GSG1L: variants seen among roughly 807,000 people sequenced by gnomAD.
GSG1L encodes germ cell-specific gene 1-like protein.
In GSG1L, 24 loss-of-function variants were observed where a neutral mutation model predicts 42.1. The observed-to-expected ratio is 0.57, with a 90% CI of 0.41 to 0.80. GSG1L has a LOEUF of 0.80. Among genes scored for constraint, GSG1L ranks in the 30% least tolerant of loss-of-function variants. GSG1L has a pLI of 0.00. For missense variants in GSG1L, 445 were observed against 472.2 expected (o/e 0.94, Z 0.53); for synonymous variants, 215 against 203.5 (o/e 1.06, Z -0.48).
rs576854705 is a variant in GSG1L at position 27,884,956 on chromosome 16, T to C, written c.398-318A>G. ...CTGAGAGCCAGCTTGCCGCCACCAGTTTAGGGTGAAGCTGACACTGTAGAC... is the reference window on the plus strand; with the variant it reads ...CTGAGAGCCAGCTTGCCGCCACCAGCTTAGGGTGAAGCTGACACTGTAGAC... On this transcript the variant is annotated intron_variant, in intron 2 of 6. Coordinates refer to ENST00000447459, the MANE Select transcript of GSG1L (RefSeq NM_001109763.2). This position sits in a 1 kb window ranked among gnomAD's most constrained non-coding sequence, Gnocchi z 4.4. Among the ~76,000 whole-genome samples the C allele has an allele frequency of 6.6e-6, 1 of 151,930 alleles. No homozygotes were observed. The highest frequency in any genetic ancestry group is 2.1e-4 in the South Asian group (1 of 4,770).
chr16:27,822,822 G>A (rs2083164573), intron 5 of GSG1L, among the ~76,000 whole-genome samples: 1 of 152,176 alleles, frequency 6.6e-6, no homozygotes, highest in Admixed American at 6.5e-5. Flanking sequence ...CTCGTGGAGT[G>A]TGCACCGAAA....
chr16:28,033,500 CA>C (rs1331523667), intron 1 of GSG1L, among the ~76,000 whole-genome samples: 4 of 145,006 alleles, frequency 2.8e-5, no homozygotes, highest in African/African-American at 1.0e-4. Context: ...ATAATTAAAT[CA>C]AATAAAAAAG....
chr16:27,819,390 T>G (rs2083127912), intron 5 of GSG1L, among the ~76,000 whole-genome samples: 1 of 152,012 alleles, frequency 6.6e-6, no homozygotes, highest in Admixed American at 6.6e-5. Flanking sequence ...CAAAACCCCA[T>G]CCCCATCTTT....
intron 1 of GSG1L, among the ~76,000 whole-genome samples, chr16:27,985,748 G>A (rs571914994): frequency 2.2e-3 from 336 of 151,842 alleles, no homozygotes; most frequent in African/African-American, 7.7e-3. Context: ...CAGGAGAATC[G>A]CTTGAACTCA....
chr16:27,892,928 C>T (rs1008178220), intron 2 of GSG1L, among the ~76,000 whole-genome samples: 1 of 152,124 alleles, frequency 6.6e-6, no homozygotes, highest in African/African-American at 2.4e-5. Flanking sequence ...AATGCCTGGC[C>T]TGTGATGAAC....
At chr16:28,024,479 AAAATACAATAATGAAAG>A (rs1477152624) in intron 1 of GSG1L, among the ~76,000 whole-genome samples, 1 of 152,238 alleles carries the variant, frequency 6.6e-6, no homozygotes, top group Non-Finnish European at 1.5e-5. Context: ...AGGAAGCTAC[AAAATACAATAATGAAAG>A]ATAACAGGCC....
At chr16:27,856,164 C>G (rs1016257142) in intron 3 of GSG1L, among the ~76,000 whole-genome samples, 2 of 152,102 alleles carry the variant, frequency 1.3e-5, no homozygotes, top group African/African-American at 2.4e-5. Flanking sequence ...TGCACCCCCC[C>G]CCATCCCCAC....
intron 2 of GSG1L, among the ~76,000 whole-genome samples, chr16:27,957,702 G>A (rs115525979): frequency 6.6e-6 from 1 of 152,320 alleles, no homozygotes; most frequent in African/African-American, 2.4e-5. Context: ...CAATATACGT[G>A]ATAGTCCATG....
chr16:28,060,277 A>G (rs1390020123), intron 1 of GSG1L, among the ~76,000 whole-genome samples: 1 of 151,690 alleles, frequency 6.6e-6, no homozygotes, highest in East Asian at 1.9e-4. Flanking sequence ...CATGGCAACA[A>G]AAGTTTGAGG....
At chr16:27,989,739 A>G (rs1443973559) in intron 1 of GSG1L, among the ~76,000 whole-genome samples, 1 of 52,366 alleles carries the variant, frequency 1.9e-5, no homozygotes, top group Non-Finnish European at 7.6e-5. Flanking sequence ...GACTCAGTCT[A>G]AAAAAAAAAA....
intron 2 of GSG1L, among the ~76,000 whole-genome samples, chr16:27,898,269 G>T (rs2084213962): frequency 6.6e-6 from 1 of 152,150 alleles, no homozygotes; most frequent in Non-Finnish European, 1.5e-5. Context: ...CAGGCTGGGG[G>T]CCTGGAGATG....
intron 2 of GSG1L, among the ~76,000 whole-genome samples, chr16:27,909,326 T>A (rs1391628985): frequency 6.6e-6 from 1 of 151,944 alleles, no homozygotes; most frequent in African/African-American, 2.4e-5. Flanking sequence ...TTCTTTTCTC[T>A]CTTTCTTTCT....
At chr16:27,911,706 G>T (rs1416858608) in intron 2 of GSG1L, among the ~76,000 whole-genome samples, 1 of 151,984 alleles carries the variant, frequency 6.6e-6, no homozygotes, top group East Asian at 1.9e-4. Context: ...TCATGGTTTT[G>T]TCCTCCACTC....
At chr16:27,936,059 C>T (rs2084712877) in intron 2 of GSG1L, among the ~76,000 whole-genome samples, 2 of 151,522 alleles carry the variant, frequency 1.3e-5, no homozygotes, top group African/African-American at 4.9e-5. Context: ...CCCTTCAGGA[C>T]CCTGCCAGAC....
chr16:27,848,866 T>G (rs781147308), intron 3 of GSG1L, among the ~76,000 whole-genome samples: 1 of 151,890 alleles, frequency 6.6e-6, no homozygotes, highest in Non-Finnish European at 1.5e-5. Context: ...AGGCTGGGGC[T>G]GAAGGCTGGG....
At chr16:28,044,039 A>G (rs1321015766) in intron 1 of GSG1L, among the ~76,000 whole-genome samples, 1 of 152,198 alleles carries the variant, frequency 6.6e-6, no homozygotes, top group African/African-American at 2.4e-5. Context: ...CAAACAAAAA[A>G]AAACTGTATT....
At chr16:27,955,897 G>A (rs2084996647) in intron 2 of GSG1L, among the ~76,000 whole-genome samples, 2 of 142,982 alleles carry the variant, frequency 1.4e-5, no homozygotes, top group East Asian at 4.0e-4. Context: ...AGGAAGGAAG[G>A]AAGGAAGGAA....
chr16:27,793,844 C>T (rs533390297), intron 6 of GSG1L, among the ~76,000 whole-genome samples: 3 of 152,296 alleles, frequency 2.0e-5, no homozygotes, highest in East Asian at 3.9e-4. Flanking sequence ...CCACCAGGGA[C>T]CCCCACCCAC....
chr16:27,903,647 G>A (rs1374934275), intron 2 of GSG1L, among the ~76,000 whole-genome samples: 2 of 152,104 alleles, frequency 1.3e-5, no homozygotes, highest in Admixed American at 6.5e-5. Flanking sequence ...CCCCCCCTTG[G>A]GGCCCTGGAG....
Sources: allele counts gnomAD v4.1 joint callset (sites outside exome capture counted in the v4.1 genomes callset), GRCh38; gene constraint gnomAD v4.1.1; non-coding constraint Gnocchi (gnomAD v3.1); transcripts MANE v1.5; gene names NCBI Gene and HGNC (gene_info 2026-07-23, HGNC 2026-07-21).